RASGRP3: variants seen among roughly 807,000 people sequenced by gnomAD.
RASGRP3 encodes ras guanyl-releasing protein 3.
Under a neutral mutation model 82.7 loss-of-function variants are expected in RASGRP3, and 54 were observed. The observed-to-expected ratio is 0.65, with a 90% CI of 0.52 to 0.82. The LOEUF (loss-of-function observed/expected upper bound fraction) is 0.82, where lower values mean the gene tolerates loss of function less well. Among genes scored for constraint, RASGRP3 ranks in the 40% least tolerant of loss-of-function variants. The pLI is 0.00. For synonymous variants in RASGRP3, 309 were observed against 300.5 expected, an observed-to-expected ratio of 1.03 and a Z score of -0.29; for missense variants, 861 against 828.9, an observed-to-expected ratio of 1.04 and a Z score of -0.48.
At chr2:33,545,539 A>G (rs1010348787) in intron 13 of RASGRP3, among the ~76,000 whole-genome samples, 8 of 152,332 alleles carry the variant, frequency 5.3e-5, no homozygotes, top group African/African-American at 1.9e-4. Flanking sequence ...TATGTACCAA[A>G]TGATGTAATA....
chr2:33,503,358 T>C (rs1670056413), intron 1 of RASGRP3, among the ~76,000 whole-genome samples: 1 of 152,202 alleles, frequency 6.6e-6, no homozygotes, highest in South Asian at 2.1e-4. Flanking sequence ...TTTGTAGGTA[T>C]GGACTGTGAT....
At chr2:33,510,983 G>A (rs1281756234) in intron 1 of RASGRP3, among the ~76,000 whole-genome samples, 2 of 152,154 alleles carry the variant, frequency 1.3e-5, no homozygotes, top group South Asian at 2.1e-4. Context: ...TTTGACAATA[G>A]AGGCTTCACA....
chr2:33,441,951 TAC>T (rs1665246323), intron 1 of RASGRP3, among the ~76,000 whole-genome samples: 2 of 152,212 alleles, frequency 1.3e-5, no homozygotes, highest in South Asian at 4.1e-4. Flanking sequence ...TGAAATTTTA[TAC>T]AGACATTAAA....
intron 1 of RASGRP3, among the ~76,000 whole-genome samples, chr2:33,507,123 C>T (rs1193490543): frequency 6.6e-6 from 1 of 152,198 alleles, no homozygotes; most frequent in African/African-American, 2.4e-5. Flanking sequence ...AGGCCAGGCA[C>T]AGTGGCTCAC....
At chr2:33,498,060 A>T (rs560234382) in intron 1 of RASGRP3, among the ~76,000 whole-genome samples, 5 of 151,046 alleles carry the variant, frequency 3.3e-5, no homozygotes, top group Non-Finnish European at 7.4e-5. Context: ...AAATGGGTAT[A>T]TGTAGGTAAA....
At position 33,514,998 on chromosome 2, in the gene RASGRP3, C is replaced by CT. The variant is rs551511091; in HGVS notation, c.-127-3dup. 953 of 732,026 alleles carry CT rather than the reference C, an allele frequency of 1.3e-3. No individual in the cohort carries two copies. The highest frequency in any genetic ancestry group is 1.6e-3 in the Non-Finnish European group (688 of 432,426). The allele number at this position is 732,026 out of a possible 1,614,324, so 45.3% of individuals were successfully genotyped here. ...AGTCTAATAACTTTCTCTCTTTTTT[C>CT]TTTTTTTTTAGAGTTTTCTTGAAGT... is the stretch of plus-strand genomic sequence containing the variant. On this transcript the variant is annotated splice_polypyrimidine_tract_variant and intron_variant, in intron 2 of 17. Transcript: ENST00000403687.
At chr2:33,540,341 C>A (rs1164499729) in intron 12 of RASGRP3, among the ~76,000 whole-genome samples, 1 of 146,002 alleles carries the variant, frequency 6.8e-6, no homozygotes, top group East Asian at 1.9e-4. Flanking sequence ...TCCAGTGGAG[C>A]CCGTGGTAGT....
At chr2:33,456,768 C>G (rs750502848) in intron 2 of RASGRP3, among the ~76,000 whole-genome samples, 2 of 152,146 alleles carry the variant, frequency 1.3e-5, no homozygotes, top group Non-Finnish European at 2.9e-5. Context: ...ACAGGCATAA[C>G]TGGTTGCATG....
rs78882081 is a variant in RASGRP3, at chr2:33,449,744, C to T, written c.-261+1801C>T. 6.2e-3 allele frequency among the ~76,000 whole-genome samples: 935 copies of T among 151,194 alleles called. 8 individuals are homozygous for T. Among genetic ancestry groups the T allele is most frequent in the African/African-American group, 0.022 (887 of 41,178 alleles). On this transcript the variant is annotated intron_variant, in intron 2 of 18. Transcript: ENST00000402538. ...ACTGCACTCCAGCCTGGTGATAGTA[C>T]GAGACTCCATCTCCAAAAAAAAAAG...
chr2:33,444,296 A>G (rs1215019649), intron 1 of RASGRP3, among the ~76,000 whole-genome samples: 2 of 152,220 alleles, frequency 1.3e-5, no homozygotes, highest in Admixed American at 6.5e-5. Flanking sequence ...GGCAACAGCA[A>G]GACCCTTTCT....
rs759770045 is a variant in RASGRP3, at chr2:33,516,602, G to A, written c.131G>A (p.Trp44Ter). 9 of 1,593,234 alleles carry A rather than the reference G, an allele frequency of 5.6e-6. No individual in the cohort carries two copies. Among genetic ancestry groups the A allele is most frequent in the Non-Finnish European group, 7.7e-6 (9 of 1,165,658 alleles). Reference sequence around the variant, plus strand: ...AGAATAGTTCTACTGATGCACCGATGGTATTTATCTTCCACTGAATTGGCA... The same window carrying A: ...AGAATAGTTCTACTGATGCACCGATAGTATTTATCTTCCACTGAATTGGCA... ...LPRIVLLMHR[W>*]YLSSTELAEK... Residue 44 changes from tryptophan to a stop codon, truncating the protein, a stop_gained, in exon 4 of 18, where the codon TGG becomes TAG. Transcript: ENST00000403687. LOFTEE classifies it high-confidence loss of function.
At chr2:33,477,142 T>G (rs1442534987) in intron 1 of RASGRP3, among the ~76,000 whole-genome samples, 3 of 152,246 alleles carry the variant, frequency 2.0e-5, no homozygotes, top group African/African-American at 7.2e-5. Context: ...AAAACGTAGT[T>G]GTTTAAAGTA....
chr2:33,525,344 A>ATG (rs1672440536), intron 9 of RASGRP3, among the ~76,000 whole-genome samples: 1 of 115,624 alleles, frequency 8.6e-6, no homozygotes, highest in African/African-American at 2.7e-5. Context: ...TGTCATGAAT[A>ATG]TATATATATA....
chr2:33,484,099 C>G (rs1668163503), intron 1 of RASGRP3, among the ~76,000 whole-genome samples: 1 of 152,082 alleles, frequency 6.6e-6, no homozygotes, highest in Non-Finnish European at 1.5e-5. Flanking sequence ...TTGGCTGAAC[C>G]AAGTTTCCTT....
intron 7 of RASGRP3, among the ~76,000 whole-genome samples, chr2:33,522,924 T>C (rs1229978206): frequency 6.6e-6 from 1 of 152,050 alleles, no homozygotes; most frequent in Non-Finnish European, 1.5e-5. Context: ...GCCATGGGAG[T>C]CCCCTGCACA....
At chr2:33,556,075 A>G (rs1255936870) in intron 15 of RASGRP3, among the ~76,000 whole-genome samples, 1 of 152,172 alleles carries the variant, frequency 6.6e-6, no homozygotes, top group Admixed American at 6.5e-5. Context: ...TTTATAAACA[A>G]TTGAATCAAA....
chr2:33,519,991 A>G lies in RASGRP3; in HGVS notation c.213A>G (p.Arg71=), dbSNP rs1671866504. ...NATGESCNEF[R]LKICYFMRYW... is the part of the protein sequence containing the mutation. ...CTGGAGAAAGCTGCAATGAATTTCG[A>G]TTAAAGATCTGCTACTTCATGAGGT... Residue 71 remains arginine (R), a synonymous_variant, in exon 5 of 18, where the codon CGA becomes CGG. Coordinates refer to ENST00000403687, the MANE Select transcript of RASGRP3 (RefSeq NM_001139488.2). 2.5e-6 allele frequency: 4 copies of G among 1,609,494 alleles called. No individual in the cohort carries two copies. The highest frequency in any genetic ancestry group is 3.4e-5 in the Admixed American group (2 of 59,528).
chr2:33,470,520 C>T (rs1379150375), intron 2 of RASGRP3, among the ~76,000 whole-genome samples: 1 of 151,864 alleles, frequency 6.6e-6, no homozygotes, highest in Non-Finnish European at 1.5e-5. Flanking sequence ...GCTGGGACTA[C>T]AGGCGCCCGC....
In RASGRP3 at chr2:33,497,003, T is replaced by C. The variant is rs192146125; in HGVS notation, c.-260-14707T>C. ...CAGCTTTAGATACTTCAGCATTTTT[T>C]TCCTACTCATTGATTAATGGTAGCT... On this transcript the variant is annotated intron_variant, in intron 1 of 17. Transcript: ENST00000403687. Among the ~76,000 whole-genome samples, 341 of 152,348 alleles carry C rather than the reference T, an allele frequency of 2.2e-3. 1 individual carries two copies. Among genetic ancestry groups the C allele is most frequent in the Non-Finnish European group, 4.2e-3 (288 of 68,014 alleles).
Sources: gnomAD v4.1 joint callset for allele counts (sites outside exome capture counted in the v4.1 genomes callset) on GRCh38, gnomAD v4.1.1 for gene constraint, MANE v1.5 for transcripts, NCBI Gene and HGNC (gene_info 2026-07-23, HGNC 2026-07-21) for gene names.